The following APBB2 variants were observed in gnomAD, a reference collection of about 807,000 sequenced individuals.
APBB2 encodes Fe65-like 1.
Under a neutral mutation model 82.5 loss-of-function variants are expected in APBB2, and 38 were observed. The ratio of observed to expected loss-of-function variants is 0.46; its 90% CI spans 0.36 to 0.60. The LOEUF is 0.60. APBB2 is among the 20% of genes least tolerant of loss of function. APBB2 has a pLI of 0.00. For missense variants in APBB2, 772 were observed against 972.3 expected (o/e 0.79, Z 2.74); for synonymous variants, 341 against 368.2 (o/e 0.93, Z 0.85).
chr4:41,033,542 C>G (rs371044748), intron 4 of APBB2, among the ~76,000 whole-genome samples: 5 of 148,918 alleles, frequency 3.4e-5, no homozygotes, highest in African/African-American at 1.2e-4. Context: ...CATGGTAGGC[C>G]TTACCTACCT....
intron 10 of APBB2, among the ~76,000 whole-genome samples, chr4:40,902,029 T>C (rs187523635): frequency 2.3e-4 from 35 of 152,272 alleles, no homozygotes; most frequent in Admixed American, 1.4e-3. Context: ...ACATCATTGA[T>C]AGGTTCTTGA....
chr4:40,890,736 C>T (rs1771767952), intron 11 of APBB2: 3 of 414,446 alleles, frequency 7.2e-6, no homozygotes, highest in Non-Finnish European at 8.5e-6. Flanking sequence ...GCTTTCCAGG[C>T]TGCTCTTAAA....
At chr4:41,063,546 G>A (rs1730579459) in intron 4 of APBB2, among the ~76,000 whole-genome samples, 1 of 152,170 alleles carries the variant, frequency 6.6e-6, no homozygotes, top group South Asian at 2.1e-4. Flanking sequence ...TTTAATGCTG[G>A]TTGTTGGTCC....
intron 6 of APBB2, among the ~76,000 whole-genome samples, chr4:40,981,859 G>A (rs189513613): frequency 6.6e-6 from 1 of 152,198 alleles, no homozygotes; most frequent in Admixed American, 6.5e-5. Context: ...AGCACTTTGA[G>A]AGGCCAAGGC....
At chr4:40,827,456 T>C (rs999412204) in intron 13 of APBB2, among the ~76,000 whole-genome samples, 1 of 152,134 alleles carries the variant, frequency 6.6e-6, no homozygotes, top group African/African-American at 2.4e-5. Flanking sequence ...TCCTGATTGC[T>C]TGGAATGGAC....
intron 12 of APBB2, among the ~76,000 whole-genome samples, chr4:40,851,318 C>T (rs1334474760): frequency 2.0e-5 from 3 of 152,174 alleles, no homozygotes; most frequent in Non-Finnish European, 4.4e-5. Context: ...AAATCTTACA[C>T]GGATGCCCAA....
At chr4:40,862,590 G>A (rs922789497) in intron 12 of APBB2, among the ~76,000 whole-genome samples, 11 of 152,220 alleles carry the variant, frequency 7.2e-5, no homozygotes, top group African/African-American at 1.9e-4. Context: ...GCCGGGCACC[G>A]CGGCTCACGC....
At chr4:40,907,558 A>G (rs1263207045) in intron 10 of APBB2, among the ~76,000 whole-genome samples, 1 of 149,696 alleles carries the variant, frequency 6.7e-6, no homozygotes, top group Non-Finnish European at 1.5e-5. Context: ...TTTAGTAGAG[A>G]TGGGGTTTCG....
In APBB2 at chr4:40,956,821, T is replaced by C. The variant is rs137920192; in HGVS notation, c.836-11748A>G. 2.6e-5 allele frequency among the ~76,000 whole-genome samples: 4 copies of C among 152,334 alleles called. No homozygotes were observed. The East Asian group carries it at 7.7e-4, about 29-fold the overall frequency. ...TTAAAAGGTCCTTAAATTTGGGCTT[T>C]TTAACATTACATACTTTGTCTATTT... On this transcript the variant is annotated intron_variant, in intron 6 of 17. Transcript: ENST00000508593.
chr4:40,844,727 G>A (rs1052107920), intron 12 of APBB2, among the ~76,000 whole-genome samples: 4 of 152,136 alleles, frequency 2.6e-5, no homozygotes, highest in Admixed American at 2.6e-4. Flanking sequence ...TCCACAGCTG[G>A]GTAACATTAT....
intron 7 of APBB2, among the ~76,000 whole-genome samples, chr4:40,937,006 G>A (rs1303924960): frequency 6.6e-6 from 1 of 152,142 alleles, no homozygotes; most frequent in Non-Finnish European, 1.5e-5. Flanking sequence ...TACTAATATG[G>A]ATGTGAGATG....
chr4:40,955,789 T>TC, intron 6 of APBB2, among the ~76,000 whole-genome samples: 1 of 152,150 alleles, frequency 6.6e-6, no homozygotes, highest in East Asian at 1.9e-4. Context: ...TTTTTTTTTT[T>TC]CTTTGAGATG....
intron 3 of APBB2, among the ~76,000 whole-genome samples, chr4:41,065,885 T>C (rs967994280): frequency 6.6e-6 from 1 of 152,102 alleles, no homozygotes; most frequent in Non-Finnish European, 1.5e-5. Context: ...ATGCAGGCCC[T>C]GCAATAAGTG....
intron 2 of APBB2, among the ~76,000 whole-genome samples, chr4:41,128,296 G>A (rs1402772898): frequency 1.3e-5 from 2 of 152,152 alleles, no homozygotes; most frequent in African/African-American, 4.8e-5. Context: ...TGGAGCAAAG[G>A]AACACTTCTA....
chr4:40,975,559 G>A (rs921929326), intron 6 of APBB2, among the ~76,000 whole-genome samples: 3 of 152,160 alleles, frequency 2.0e-5, no homozygotes, highest in East Asian at 1.9e-4. Context: ...CATGCTGCAC[G>A]TTATTAATAA....
At chr4:41,139,910 T>C (rs1216192128) in intron 2 of APBB2, among the ~76,000 whole-genome samples, 2 of 152,202 alleles carry the variant, frequency 1.3e-5, no homozygotes, top group Admixed American at 6.5e-5. Context: ...TAGATTTTAG[T>C]AATGATAATG....
At chr4:41,064,017 C>CGCCCAG (rs1730778079) in intron 4 of APBB2, among the ~76,000 whole-genome samples, 2 of 125,776 alleles carry the variant, frequency 1.6e-5, no homozygotes, top group Admixed American at 2.1e-4. Context: ...AGTGCTGTGT[C>CGCCCAG]GCCCAGGCTG....
intron 2 of APBB2, among the ~76,000 whole-genome samples, chr4:41,138,795 A>G (rs558888306): frequency 1.3e-5 from 2 of 152,306 alleles, no homozygotes; most frequent in South Asian, 2.1e-4. Context: ...AAATAAAACT[A>G]TATCTGCAGA....
chr4:41,134,173 G>A (rs1020667738), intron 2 of APBB2, among the ~76,000 whole-genome samples: 8 of 152,110 alleles, frequency 5.3e-5, no homozygotes, highest in African/African-American at 1.9e-4. Flanking sequence ...TGTAGAGATA[G>A]GTTGTCCTAT....
Sources: gnomAD v4.1 joint callset for allele counts (sites outside exome capture counted in the v4.1 genomes callset) on GRCh38, gnomAD v4.1.1 for gene constraint, MANE v1.5 for transcripts, NCBI Gene and HGNC (gene_info 2026-07-23, HGNC 2026-07-21) for gene names.